PLCB4: variants seen among roughly 807,000 people sequenced by gnomAD.
PLCB4 encodes phospholipase C beta 4, also known as 1-phosphatidylinositol 4,5-bisphosphate phosphodiesterase beta-4.
A neutral mutation model predicts 178.8 loss-of-function variants in PLCB4; 77 were observed. The ratio of observed to expected loss-of-function variants is 0.43; its 90% CI spans 0.36 to 0.52. PLCB4 has a LOEUF of 0.52. Among genes scored for constraint, PLCB4 ranks in the 20% least tolerant of loss-of-function variants. PLCB4 has a pLI of 0.00. For missense variants in PLCB4, 1,024 were observed against 1,453.4 expected (o/e 0.70, Z 4.80); for synonymous variants, 496 against 490.8 (o/e 1.01, Z -0.14).
intron 30 of PLCB4, among the ~76,000 whole-genome samples, chr20:9,439,625 C>A (rs1383255998): frequency 6.6e-6 from 1 of 152,150 alleles, no homozygotes; most frequent in African/African-American, 2.4e-5. Context: ...GAATGATCCA[C>A]AGGAAATAAG....
At chr20:9,404,947 G>A (rs1245392705) in intron 20 of PLCB4, among the ~76,000 whole-genome samples, 1 of 152,164 alleles carries the variant, frequency 6.6e-6, no homozygotes, top group African/African-American at 2.4e-5. Flanking sequence ...GACAGTATGG[G>A]GGGCTGCACC....
rs188181889 is a variant in PLCB4 at position 9,284,010 on chromosome 20, G to A, written c.-15-23790G>A. The stretch of plus-strand genomic sequence containing the variant: ...CAGGTCTATATTGAGCACCCACTAC[G>A]TGGCCCATATATTTGTGTGACAGAG... On this transcript the variant is annotated intron_variant, in intron 3 of 39. Transcript: ENST00000378473. Among the ~76,000 whole-genome samples, 161 of 152,036 alleles carry A rather than the reference G, an allele frequency of 1.1e-3. 1 individual carries two copies. Among genetic ancestry groups the A allele is most frequent in the African/African-American group, 2.2e-4 (9 of 41,516 alleles).
At chr20:9,238,684 A>G (rs1014616118) in intron 3 of PLCB4, among the ~76,000 whole-genome samples, 3 of 152,214 alleles carry the variant, frequency 2.0e-5, no homozygotes, top group African/African-American at 7.2e-5. Context: ...ACAATTTTCC[A>G]TGCTGTAAAT....
intron 2 of PLCB4, among the ~76,000 whole-genome samples, chr20:9,169,649 T>C (rs1054750660): frequency 6.6e-6 from 1 of 151,990 alleles, no homozygotes; most frequent in Non-Finnish European, 1.5e-5. Context: ...CTAGATACCA[T>C]GTGAATTGAA....
At chr20:9,330,069 G>T (rs1395610090) in intron 4 of PLCB4, among the ~76,000 whole-genome samples, 1 of 152,168 alleles carries the variant, frequency 6.6e-6, no homozygotes, top group Non-Finnish European at 1.5e-5. Flanking sequence ...GATCTGCTAG[G>T]TATGAAGCTT....
intron 2 of PLCB4, among the ~76,000 whole-genome samples, chr20:9,174,610 T>C (rs2038985046): frequency 1.3e-5 from 2 of 152,178 alleles, no homozygotes; most frequent in Non-Finnish European, 2.9e-5. Flanking sequence ...CTAATTATTT[T>C]CCCCTGGGAA....
At chr20:9,118,663 C>T (rs1345928545) in intron 2 of PLCB4, among the ~76,000 whole-genome samples, 1 of 151,928 alleles carries the variant, frequency 6.6e-6, no homozygotes, top group Non-Finnish European at 1.5e-5. Context: ...AGGGCTAGAA[C>T]AGAACAATGC....
intron 15 of PLCB4, among the ~76,000 whole-genome samples, chr20:9,388,299 T>C (rs1177311260): frequency 6.6e-6 from 1 of 152,240 alleles, no homozygotes; most frequent in Non-Finnish European, 1.5e-5. Context: ...AATGAAATTC[T>C]GTGGTTTGCA....
At chr20:9,299,551 G>C (rs2094680338) in intron 3 of PLCB4, among the ~76,000 whole-genome samples, 1 of 151,666 alleles carries the variant, frequency 6.6e-6, no homozygotes, top group Admixed American at 6.6e-5. Context: ...TTTCTTAACT[G>C]TATGTTAAGA....
chr20:9,286,000 A>G (rs1024604122), intron 3 of PLCB4, among the ~76,000 whole-genome samples: 15 of 152,038 alleles, frequency 9.9e-5, no homozygotes, highest in African/African-American at 3.6e-4. Context: ...AAACTCCTTG[A>G]AATATAGTTT....
intron 2 of PLCB4, among the ~76,000 whole-genome samples, chr20:9,168,592 G>A (rs1256817599): frequency 6.6e-6 from 1 of 152,198 alleles, no homozygotes; most frequent in Non-Finnish European, 1.5e-5. Flanking sequence ...AGGCTCCCAG[G>A]TGCTGCTAAT....
chr20:9,411,199 A>T, intron 25 of PLCB4, 111 bp downstream of exon 25: 1 of 732,842 alleles, frequency 1.4e-6, no homozygotes, highest in Non-Finnish European at 2.4e-6. Flanking sequence ...GCTGGGTTTG[A>T]GGGATGGAAT....
intron 4 of PLCB4, among the ~76,000 whole-genome samples, chr20:9,330,477 G>A (rs1322815883): frequency 6.6e-6 from 1 of 152,162 alleles, no homozygotes; most frequent in Non-Finnish European, 1.5e-5. Flanking sequence ...CTGGCGATAG[G>A]CAGAGGGGCC....
chr20:9,102,385 G>C (rs1211909025), intron 2 of PLCB4, among the ~76,000 whole-genome samples: 1 of 152,212 alleles, frequency 6.6e-6, no homozygotes, highest in Non-Finnish European at 1.5e-5. Flanking sequence ...GAAGGAGAAA[G>C]TATTTGATAC....
intron 7 of PLCB4, among the ~76,000 whole-genome samples, chr20:9,357,764 A>C (rs1415322430): frequency 1.3e-5 from 2 of 152,134 alleles, no homozygotes; most frequent in Non-Finnish European, 1.5e-5. Context: ...TTGATCTTGG[A>C]TTCTCCAGCC....
intron 2 of PLCB4, among the ~76,000 whole-genome samples, chr20:9,198,324 A>G (rs2093498614): frequency 1.3e-5 from 2 of 152,248 alleles, no homozygotes; most frequent in East Asian, 1.9e-4. Flanking sequence ...GAAAAATCAC[A>G]TAGTGTACTT....
chr20:9,161,040 C>T (rs2092879839), intron 2 of PLCB4, among the ~76,000 whole-genome samples: 1 of 152,118 alleles, frequency 6.6e-6, no homozygotes, highest in Admixed American at 6.6e-5. Context: ...CATCTCAGCA[C>T]TTACTCTGTG....
intron 2 of PLCB4, among the ~76,000 whole-genome samples, chr20:9,151,046 G>A (rs1169384616): frequency 6.6e-6 from 1 of 152,108 alleles, no homozygotes; most frequent in Non-Finnish European, 1.5e-5. Context: ...AACAAATACA[G>A]TAGGCCCTCC....
intron 28 of PLCB4, among the ~76,000 whole-genome samples, chr20:9,432,428 T>C (rs1351723181): frequency 6.6e-6 from 1 of 152,196 alleles, no homozygotes; most frequent in East Asian, 1.9e-4. Flanking sequence ...TAGCGAGTAT[T>C]TGTTTCCTAA....
Sources: gnomAD v4.1 joint callset for allele counts (sites outside exome capture counted in the v4.1 genomes callset) on GRCh38, gnomAD v4.1.1 for gene constraint, MANE v1.5 for transcripts, NCBI Gene and HGNC (gene_info 2026-07-23, HGNC 2026-07-21) for gene names.